The following CLUAP1 variants were observed in gnomAD, a reference collection of about 807,000 sequenced individuals.
The protein encoded by CLUAP1 is clusterin-associated protein 1.
A neutral mutation model predicts 55.0 loss-of-function variants in CLUAP1; 50 were observed. The observed-to-expected ratio is 0.91, with a 90% CI of 0.72 to 1.15. CLUAP1 has a LOEUF of 1.15. Ranked by LOEUF, CLUAP1 falls within the 50% of genes most tolerant of loss-of-function variation. The probability of loss-of-function intolerance (pLI) is 0.00; values close to 1 mark genes in which losing one functional copy is unlikely to be tolerated. For missense variants in CLUAP1, 530 were observed against 507.6 expected, an observed-to-expected ratio of 1.04 and a Z score of -0.42; for synonymous variants, 195 against 175.4, an observed-to-expected ratio of 1.11 and a Z score of -0.88.
chr16:3,533,085 C>T lies in CLUAP1; in HGVS notation c.1092+244C>T, dbSNP rs2038161291. 3 of 1,535,878 alleles carry T rather than the reference C, an allele frequency of 2.0e-6. No individual in the cohort carries two copies. In the Admixed American group the frequency reaches 5.9e-5, roughly 30 times the overall value. ...TTGCCTTCTCACTGTTCTTTCCATT[C>T]TCGCTTTCCAAAGATGGAAGCAGCA... On this transcript the variant is annotated intron_variant, in intron 11 of 11. Transcript: ENST00000576634.
chr16:3,513,999 G>A (rs571795069), intron 5 of CLUAP1, among the ~76,000 whole-genome samples: 2 of 152,258 alleles, frequency 1.3e-5, no homozygotes, highest in East Asian at 1.9e-4. Flanking sequence ...ATATTGACCC[G>A]GCAGTTGCCA....
upstream of CLUAP1, chr16:3,496,802 C>CA (rs1223384670): frequency 2.2e-4 from 77 of 343,288 alleles, 1 homozygote; most frequent in South Asian, 1.4e-3. Flanking sequence ...TGGATGCTGA[C>CA]AAAAAAACAA....
rs758131441 is a variant in CLUAP1, at chr16:3,501,087, G to T, written c.20G>T (p.Arg7Leu). Residue 7 changes from arginine (R) to leucine (L), a missense_variant and splice_region_variant, in exon 1 of 12, where the codon CGC (arginine) becomes CTC (leucine). Coordinates refer to ENST00000576634, the MANE Select transcript of CLUAP1 (RefSeq NM_015041.3). ...AGCGTTATGTCTTTCCGCGACCTCCGCAGTAAGGCAGCCCCGCGCCCCTGT... is the reference window on the plus strand; with the variant it reads ...AGCGTTATGTCTTTCCGCGACCTCCTCAGTAAGGCAGCCCCGCGCCCCTGT... MSFRDL[R>L]NFTEMMRALG... 1.9e-6 allele frequency: 3 copies of T among 1,595,102 alleles called. No homozygotes were observed. Among genetic ancestry groups the T allele is most frequent in the Non-Finnish European group, 2.6e-6 (3 of 1,175,536 alleles).
chr16:3,519,182 T>A (rs1034666896), intron 6 of CLUAP1, among the ~76,000 whole-genome samples: 5 of 152,224 alleles, frequency 3.3e-5, no homozygotes, highest in Non-Finnish European at 7.3e-5. Context: ...GGGAGACTTG[T>A]GTCACCGTCA....
intron 4 of CLUAP1, among the ~76,000 whole-genome samples, chr16:3,510,372 T>G (rs1596387206): frequency 6.6e-6 from 1 of 151,570 alleles, no homozygotes; most frequent in Non-Finnish European, 1.5e-5. Context: ...TGACCTCAGG[T>G]GATCTGCCTG....
intron 6 of CLUAP1, 25 bp from the exon 7 acceptor site, chr16:3,519,878 T>G: frequency 6.4e-7 from 1 of 1,563,230 alleles, no homozygotes. Flanking sequence ...TGCCACCTTG[T>G]CTCATTATTT....
chr16:3,524,260 C>G (rs2037895344), intron 8 of CLUAP1, among the ~76,000 whole-genome samples: 1 of 151,512 alleles, frequency 6.6e-6, no homozygotes, highest in Non-Finnish European at 1.5e-5. Flanking sequence ...CATGATCATG[C>G]CACTGCACTC....
chr16:3,529,827 A>ATT (rs1342716942), intron 9 of CLUAP1, among the ~76,000 whole-genome samples: 38 of 61,952 alleles, frequency 6.1e-4, no homozygotes, highest in Non-Finnish European at 9.8e-4. Flanking sequence ...AATATAATAT[A>ATT]TTATATAATA....
chr16:3,526,526 G>T, intron 9 of CLUAP1, 42 bp downstream of exon 9: 1 of 1,382,846 alleles, frequency 7.2e-7, no homozygotes, highest in Non-Finnish European at 9.9e-7. Flanking sequence ...CTCTGGACTA[G>T]TATTTTCAGC....
chr16:3,505,496 G>A (rs1255733753), intron 2 of CLUAP1, among the ~76,000 whole-genome samples: 3 of 147,402 alleles, frequency 2.0e-5, no homozygotes, highest in African/African-American at 5.1e-5. Flanking sequence ...GCAGTGAGCC[G>A]AGATAGCGCC....
intron 3 of CLUAP1, among the ~76,000 whole-genome samples, chr16:3,506,730 C>G (rs939272141): frequency 6.6e-6 from 1 of 151,924 alleles, no homozygotes; most frequent in Non-Finnish European, 1.5e-5. Flanking sequence ...CTCAAACTCC[C>G]GACCTCAAGT....
chr16:3,526,537 C>G (rs2037947175), intron 9 of CLUAP1, 53 bp downstream of exon 9: 1 of 1,233,658 alleles, frequency 8.1e-7, no homozygotes, highest in Non-Finnish European at 1.1e-6. Context: ...TATTTTCAGC[C>G]TTGAAATATA....
At position 3,530,965 on chromosome 16, in the gene CLUAP1, T is replaced by C. The variant is rs975409106; in HGVS notation, c.1036+290T>C. 2.0e-5 allele frequency among the ~76,000 whole-genome samples: 3 copies of C among 152,218 alleles called. No homozygotes were observed. In the East Asian group the frequency reaches 5.8e-4, roughly 29 times the overall value. Reference sequence around the variant, plus strand: ...GCCTCTGCCACTCTCAGTGCAGTGATATACTTAATAGCCTGAGAATTAATG... The same window carrying C: ...GCCTCTGCCACTCTCAGTGCAGTGACATACTTAATAGCCTGAGAATTAATG... On this transcript the variant is annotated intron_variant, in intron 10 of 11. Transcript: ENST00000576634.
At chr16:3,525,605 CTCTG>C (rs1390703748) in intron 8 of CLUAP1, among the ~76,000 whole-genome samples, 1 of 152,094 alleles carries the variant, frequency 6.6e-6, no homozygotes, top group Non-Finnish European at 1.5e-5. Context: ...TTGCCTGCCA[CTCTG>C]TCTGGAGGGC....
At chr16:3,505,546 C>CAAAAAAAAAA (rs1230388490) in intron 2 of CLUAP1, among the ~76,000 whole-genome samples, 1 of 59,616 alleles carries the variant, frequency 1.7e-5, no homozygotes, top group Non-Finnish European at 3.9e-5. Context: ...GACTCCGTCT[C>CAAAAAAAAAA]AAAAAAAAAA....
In CLUAP1 at chr16:3,524,557, A is replaced by G. The variant is rs559996544; in HGVS notation, c.855+1258A>G. 1.9e-4 allele frequency among the ~76,000 whole-genome samples: 27 copies of G among 143,224 alleles called. 1 individual carries two copies. The East Asian group carries it at 5.6e-3, about 30-fold the overall frequency. The allele number at this position is 143,224 out of a possible 152,430, so 94.0% of individuals were successfully genotyped here. On this transcript the variant is annotated intron_variant, in intron 8 of 11. Transcript: ENST00000576634. Reference sequence around the variant, plus strand: ...GGTTGCAGTGAGCCGAGATTGCGCCACTGCACTCTAGCCTGGGCGACAGAG... The same window carrying G: ...GGTTGCAGTGAGCCGAGATTGCGCCGCTGCACTCTAGCCTGGGCGACAGAG...
chr16:3,510,631 C>G (rs2037606711), intron 4 of CLUAP1, among the ~76,000 whole-genome samples: 1 of 152,216 alleles, frequency 6.6e-6, no homozygotes, highest in African/African-American at 2.4e-5. Flanking sequence ...GTGCTGTACT[C>G]TACGGGAACC....
chr16:3,530,325 G>T (rs1490183098), intron 9 of CLUAP1: 2 of 415,800 alleles, frequency 4.8e-6, no homozygotes, highest in Admixed American at 8.2e-5. Context: ...CACTTCTCAG[G>T]TCTGTATTGG....
intron 2 of CLUAP1, among the ~76,000 whole-genome samples, chr16:3,505,910 G>A (rs1473859658): frequency 2.0e-5 from 3 of 152,140 alleles, no homozygotes; most frequent in Non-Finnish European, 2.9e-5. Context: ...TAGCTTGCAG[G>A]CTGTACAGGT....
Sources: allele counts gnomAD v4.1 joint callset (sites outside exome capture counted in the v4.1 genomes callset), GRCh38; gene constraint gnomAD v4.1.1; transcripts MANE v1.5; gene names NCBI Gene and HGNC (gene_info 2026-07-23, HGNC 2026-07-21).